Variants in SLC25A26 observed in about 807,000 individuals in gnomAD.
The protein encoded by SLC25A26 is mitochondrial S-adenosylmethionine carrier protein.
A neutral mutation model predicts 37.8 loss-of-function variants in SLC25A26; 36 were observed. The observed-to-expected ratio is 0.95, with a 90% CI of 0.73 to 1.26. The LOEUF (loss-of-function observed/expected upper bound fraction) is 1.26. Among genes scored for constraint, SLC25A26 ranks in the 50% most tolerant of loss-of-function variants. The pLI is 0.00. For missense variants in SLC25A26, 390 were observed against 331.1 expected (o/e 1.18, Z -1.38); for synonymous variants, 129 against 122.5 (o/e 1.05, Z -0.35).
intron 1 of SLC25A26, among the ~76,000 whole-genome samples, chr3:66,222,182 ATTTT>A (rs373274771): frequency 7.2e-6 from 1 of 139,800 alleles, no homozygotes; most frequent in Non-Finnish European, 1.6e-5. Flanking sequence ...AATGTTACTG[ATTTT>A]TTTTTTTTTT....
At chr3:66,326,388 C>G (rs1228183911) in intron 5 of SLC25A26, among the ~76,000 whole-genome samples, 1 of 152,228 alleles carries the variant, frequency 6.6e-6, no homozygotes, top group Non-Finnish European at 1.5e-5. Flanking sequence ...AGTGGCTCTT[C>G]TTCCTGAGGA....
At chr3:66,151,635 T>A (rs1253004316) in intron 1 of SLC25A26, among the ~76,000 whole-genome samples, 1 of 152,164 alleles carries the variant, frequency 6.6e-6, no homozygotes, top group Non-Finnish European at 1.5e-5. Context: ...TGCTCCTTTC[T>A]CCATGGAGGG....
intron 5 of SLC25A26, among the ~76,000 whole-genome samples, chr3:66,333,136 T>G (rs1163608594): frequency 6.6e-6 from 1 of 152,192 alleles, no homozygotes; most frequent in Non-Finnish European, 1.5e-5. Flanking sequence ...AGTCAGGAAT[T>G]TAGTAGGATG....
At position 66,316,380 on chromosome 3, in the gene SLC25A26, C is replaced by T. The variant is rs1431230935; in HGVS notation, c.454-29984C>T. The stretch of plus-strand genomic sequence containing the variant: ...ATTTCTCCTTTGCTTATGAGGCTTA[C>T]TTTGGCCAGATACGAAATTCTAGGT... On this transcript the variant is annotated intron_variant, in intron 5 of 9. Transcript: ENST00000354883. Among the ~76,000 whole-genome samples, 5 of 152,120 alleles carry T rather than the reference C, an allele frequency of 3.3e-5. 1 individual carries two copies. Among genetic ancestry groups the T allele is most frequent in the African/African-American group, 9.7e-5 (4 of 41,420 alleles).
intron 1 of SLC25A26, among the ~76,000 whole-genome samples, chr3:66,195,818 T>A (rs2071036469): frequency 6.6e-6 from 1 of 152,254 alleles, no homozygotes; most frequent in Non-Finnish European, 1.5e-5. Flanking sequence ...AAAAGAAACC[T>A]CTATTGATCT....
intron 5 of SLC25A26, among the ~76,000 whole-genome samples, chr3:66,278,763 C>A (rs2074240790): frequency 6.6e-6 from 1 of 152,154 alleles, no homozygotes; most frequent in Admixed American, 6.5e-5. Flanking sequence ...TTTCTTTTTG[C>A]CACCTTGTCC....
At chr3:66,332,006 G>A (rs1017220164) in intron 5 of SLC25A26, among the ~76,000 whole-genome samples, 3 of 139,238 alleles carry the variant, frequency 2.2e-5, no homozygotes, top group South Asian at 2.1e-4. Context: ...ATCTTGGCTC[G>A]CTGCATCCCC....
intron 1 of SLC25A26, among the ~76,000 whole-genome samples, chr3:66,173,099 G>T (rs1471628629): frequency 6.6e-6 from 1 of 152,124 alleles, no homozygotes; most frequent in Admixed American, 6.5e-5. Flanking sequence ...TTGTTCAGGC[G>T]CTTTCCAAAT....
intron 9 of SLC25A26, among the ~76,000 whole-genome samples, chr3:66,376,708 G>T (rs1269349570): frequency 1.3e-5 from 2 of 152,140 alleles, no homozygotes; most frequent in Non-Finnish European, 2.9e-5. Context: ...GCCAAACTTG[G>T]CCTGGGACCA....
At chr3:66,318,313 T>C (rs4443106) in intron 5 of SLC25A26, among the ~76,000 whole-genome samples, 85,559 of 152,046 alleles carry the variant, frequency 0.56, 24,996 homozygotes, top group East Asian at 0.79. Context: ...CATGGGCTCA[T>C]GAGGGGGACC....
chr3:66,229,537 C>G (rs985037483), intron 1 of SLC25A26, among the ~76,000 whole-genome samples: 4 of 152,222 alleles, frequency 2.6e-5, no homozygotes, highest in Non-Finnish European at 5.9e-5. Flanking sequence ...CTTGCACTCT[C>G]TGTGTCCTGC....
intron 1 of SLC25A26, among the ~76,000 whole-genome samples, chr3:66,226,202 G>T (rs536464104): frequency 1.9e-4 from 29 of 152,214 alleles, no homozygotes; most frequent in Non-Finnish European, 3.5e-4. Context: ...ATGGCTGGCA[G>T]AGGGGCCTCA....
chr3:66,146,265 G>T (rs544548471), intron 1 of SLC25A26, among the ~76,000 whole-genome samples: 1 of 151,658 alleles, frequency 6.6e-6, no homozygotes, highest in Non-Finnish European at 1.5e-5. Context: ...GCTTGAACCC[G>T]GGAGACAGAG....
chr3:66,166,454 G>A (rs867854659), intron 1 of SLC25A26, among the ~76,000 whole-genome samples: 5 of 152,152 alleles, frequency 3.3e-5, no homozygotes, highest in Non-Finnish European at 5.9e-5. Context: ...GACTCTCAGA[G>A]AAGGATCTTG....
chr3:66,313,280 A>T (rs1459230857), intron 5 of SLC25A26, among the ~76,000 whole-genome samples: 2 of 152,056 alleles, frequency 1.3e-5, no homozygotes, highest in African/African-American at 4.8e-5. Context: ...TAAGTCTTTG[A>T]TCCATCTTGA....
chr3:66,197,911 A>T (rs1333383151), intron 1 of SLC25A26, among the ~76,000 whole-genome samples: 1 of 152,104 alleles, frequency 6.6e-6, no homozygotes. Flanking sequence ...CAGCATGAGG[A>T]TCAGAGGAAG....
chr3:66,307,039 G>A (rs2075246261), intron 5 of SLC25A26, among the ~76,000 whole-genome samples: 1 of 152,174 alleles, frequency 6.6e-6, no homozygotes, highest in South Asian at 2.1e-4. Flanking sequence ...GGATTGGTGG[G>A]TCAAATGCTA....
intron 6 of SLC25A26, among the ~76,000 whole-genome samples, chr3:66,361,501 A>G (rs971943142): frequency 8.5e-5 from 13 of 152,246 alleles, no homozygotes; most frequent in African/African-American, 3.1e-4. Flanking sequence ...AACATCTGTA[A>G]GTGAGCTATG....
intron 1 of SLC25A26, among the ~76,000 whole-genome samples, chr3:66,206,920 C>T (rs1202548889): frequency 2.9e-5 from 4 of 138,460 alleles, no homozygotes; most frequent in African/African-American, 5.4e-5. Context: ...TTTTTTAACA[C>T]GGAGTTTTGC....
Sources: allele counts gnomAD v4.1 joint callset (sites outside exome capture counted in the v4.1 genomes callset), GRCh38; gene constraint gnomAD v4.1.1; transcripts MANE v1.5; gene names NCBI Gene and HGNC (gene_info 2026-07-23, HGNC 2026-07-21).